Variants in MACROD2 observed in about 807,000 individuals in gnomAD.
The protein encoded by MACROD2 is ADP-ribose glycohydrolase MACROD2.
MACROD2 carries 36 observed loss-of-function variants against 70.4 expected under a neutral mutation model. That is an observed-to-expected ratio of 0.51 (90% CI 0.39 to 0.68). MACROD2 has a LOEUF of 0.68. Ranked by LOEUF, MACROD2 falls within the 30% of genes least tolerant of loss-of-function variation. The probability of loss-of-function intolerance (pLI) is 0.00; values close to 1 mark genes in which losing one functional copy is unlikely to be tolerated. For synonymous variants in MACROD2, 172 were observed against 178.8 expected (o/e 0.96, Z 0.30); for missense variants, 496 against 538.4 (o/e 0.92, Z 0.78).
chr20:14,945,554 G>T (rs760254316), intron 5 of MACROD2, among the ~76,000 whole-genome samples: 60 of 152,070 alleles, frequency 3.9e-4, no homozygotes, highest in Non-Finnish European at 1.8e-4. Context: ...TTACATTTGG[G>T]TACCTTCCTT....
At chr20:15,215,122 A>T (rs2076798135) in intron 5 of MACROD2, among the ~76,000 whole-genome samples, 1 of 152,180 alleles carries the variant, frequency 6.6e-6, no homozygotes, top group South Asian at 2.1e-4. Context: ...TTATATTTAT[A>T]AAAGATGAGG....
chr20:14,412,253 C>T (rs917947505), intron 3 of MACROD2, among the ~76,000 whole-genome samples: 4 of 152,126 alleles, frequency 2.6e-5, no homozygotes, highest in Non-Finnish European at 5.9e-5. Context: ...TGGGAATTCC[C>T]GTCCCCCCTA....
chr20:15,015,772 C>T (rs2075116527), intron 5 of MACROD2, among the ~76,000 whole-genome samples: 1 of 152,158 alleles, frequency 6.6e-6, no homozygotes, highest in African/African-American at 2.4e-5. Context: ...TGATAAATTT[C>T]TTGTTAGAAC....
At position 14,228,517 on chromosome 20, in the gene MACROD2, A is replaced by G. The variant is rs184082376; in HGVS notation, c.271+142789A>G. 4.5e-4 allele frequency among the ~76,000 whole-genome samples: 69 copies of G among 151,996 alleles called. No individual in the cohort carries two copies. In the East Asian group the frequency reaches 9.3e-3, roughly 21 times the overall value. ...CATGCCCAGCTAATTTTTGTATTTT[A>G]GTATAGTCTTAACTGTAATAGCAAA... On this transcript the variant is annotated intron_variant, in intron 3 of 17. Transcript: ENST00000684519.
intron 6 of MACROD2, among the ~76,000 whole-genome samples, chr20:15,356,909 A>G (rs1486467840): frequency 1.3e-5 from 2 of 152,226 alleles, no homozygotes; most frequent in Non-Finnish European, 2.9e-5. Context: ...CATGTTATGG[A>G]TGTTTTTGCT....
At chr20:15,280,586 C>T (rs986389593) in intron 6 of MACROD2, among the ~76,000 whole-genome samples, 7 of 152,142 alleles carry the variant, frequency 4.6e-5, no homozygotes, top group African/African-American at 1.7e-4. Flanking sequence ...AAGGCTGCTA[C>T]GTGTACCAGC....
chr20:15,400,538 A>G (rs1349847444), intron 6 of MACROD2, among the ~76,000 whole-genome samples: 1 of 152,186 alleles, frequency 6.6e-6, no homozygotes, highest in Non-Finnish European at 1.5e-5. Flanking sequence ...AAGTCAATAG[A>G]TATTTTTCAA....
chr20:14,309,621 A>G (rs1396888302), intron 3 of MACROD2, among the ~76,000 whole-genome samples: 35 of 152,134 alleles, frequency 2.3e-4, no homozygotes, highest in South Asian at 2.1e-4. Context: ...GTTTAAGTCT[A>G]TTTTATTCCA....
rs144188809 is a variant in MACROD2, at chr20:14,934,147, G to A, written c.418+249188G>A. ...AGCACGTCAAAGAGTTTACCAAGAC[G>A]AATGAGCTCAGAAATTTGAACATCT... On this transcript the variant is annotated intron_variant, in intron 5 of 17. Coordinates refer to ENST00000684519, the MANE Select transcript of MACROD2 (RefSeq NM_001351661.2). 5.7e-3 allele frequency among the ~76,000 whole-genome samples: 871 copies of A among 152,222 alleles called. 11 individuals are homozygous for A. The highest frequency in any genetic ancestry group is 0.019 in the African/African-American group (788 of 41,534).
chr20:14,276,561 G>A (rs1377397730), intron 3 of MACROD2, among the ~76,000 whole-genome samples: 1 of 150,996 alleles, frequency 6.6e-6, no homozygotes. Context: ...ACACCAGCAT[G>A]GCACATGTTT....
intron 4 of MACROD2, among the ~76,000 whole-genome samples, chr20:14,673,562 C>T (rs2123565746): frequency 6.6e-6 from 1 of 152,228 alleles, no homozygotes; most frequent in Admixed American, 6.5e-5. Flanking sequence ...ATATCTGCCA[C>T]TTAGGTGGAT....
chr20:15,691,677 A>G (rs949435100), intron 8 of MACROD2, among the ~76,000 whole-genome samples: 3 of 152,212 alleles, frequency 2.0e-5, no homozygotes, highest in African/African-American at 2.4e-5. Flanking sequence ...AGGGAGCCAC[A>G]CAGTCCTGGA....
intron 8 of MACROD2, among the ~76,000 whole-genome samples, chr20:15,849,401 G>A (rs1393014689): frequency 6.6e-6 from 1 of 152,162 alleles, no homozygotes; most frequent in Non-Finnish European, 1.5e-5. Context: ...CTGCATGCAC[G>A]TCAGATGCTA....
intron 5 of MACROD2, among the ~76,000 whole-genome samples, chr20:14,992,092 G>A (rs1372561011): frequency 6.6e-6 from 1 of 152,146 alleles, no homozygotes; most frequent in Non-Finnish European, 1.5e-5. Context: ...GTTAAATATG[G>A]CAACCATTTT....
chr20:14,693,785 C>T (rs759003904), intron 5 of MACROD2, among the ~76,000 whole-genome samples: 3 of 152,254 alleles, frequency 2.0e-5, no homozygotes, highest in East Asian at 1.9e-4. Context: ...AACTTCTGAG[C>T]CTGAGGTTCC....
intron 5 of MACROD2, among the ~76,000 whole-genome samples, chr20:14,791,642 A>G (rs1016262521): frequency 3.3e-5 from 5 of 152,054 alleles, no homozygotes; most frequent in African/African-American, 9.7e-5. Flanking sequence ...AGACTCTTGA[A>G]TCTCATTATT....
chr20:15,412,710 T>A (rs906853196), intron 6 of MACROD2, among the ~76,000 whole-genome samples: 3 of 152,190 alleles, frequency 2.0e-5, no homozygotes, highest in African/African-American at 7.2e-5. Context: ...CCCAGTGAGC[T>A]CTCTCATGAT....
intron 5 of MACROD2, among the ~76,000 whole-genome samples, chr20:14,932,673 C>A (rs1172899233): frequency 6.6e-6 from 1 of 152,034 alleles, no homozygotes; most frequent in South Asian, 2.1e-4. Flanking sequence ...TCAAGTGATT[C>A]TCCTGCCTCA....
At chr20:14,999,943 T>G (rs2122893777) in intron 5 of MACROD2, among the ~76,000 whole-genome samples, 1 of 152,324 alleles carries the variant, frequency 6.6e-6, no homozygotes, top group African/African-American at 2.4e-5. Context: ...ATGATACAAT[T>G]TAAAGATATA....
Sources: allele counts gnomAD v4.1 joint callset (sites outside exome capture counted in the v4.1 genomes callset), GRCh38; gene constraint gnomAD v4.1.1; transcripts MANE v1.5; gene names NCBI Gene and HGNC (gene_info 2026-07-23, HGNC 2026-07-21).